The following RPGR variants were observed in gnomAD, a reference collection of about 807,000 sequenced individuals.
RPGR encodes the protein X-linked retinitis pigmentosa GTPase regulator.
RPGR carries 10 observed loss-of-function variants against 56.3 expected under a neutral mutation model. That is an observed-to-expected ratio of 0.18 (90% CI 0.11 to 0.30). The LOEUF (loss-of-function observed/expected upper bound fraction) is 0.30, where lower values mean the gene tolerates loss of function less well. Ranked by LOEUF, RPGR falls within the 10% of genes least tolerant of loss-of-function variation. RPGR has a pLI of 1.00. For synonymous variants in RPGR, 197 were observed against 212.9 expected, an observed-to-expected ratio of 0.93 and a Z score of 0.65; for missense variants, 538 against 590.9, an observed-to-expected ratio of 0.91 and a Z score of 0.93.
rs1305812896 is a variant in RPGR, at chrX:38,315,834, T to TAGAGAG, written c.619+1481_619+1482insCTCTCT. On this transcript the variant is annotated intron_variant, in intron 6 of 18. Transcript: ENST00000642395. The stretch of plus-strand genomic sequence containing the variant: ...CCATATATATACATATATATATATA[T>TAGAGAG]ATATAGAGAGAGAGAGAGAGAGAGA... 5.6e-3 allele frequency among the ~76,000 whole-genome samples: 493 copies of TAGAGAG among 88,355 alleles called. 3 individuals are homozygous for TAGAGAG. The highest frequency in any genetic ancestry group is 0.022 in the African/African-American group (441 of 19,800). 76.7% of individuals were successfully genotyped at this position (88,355 alleles called of 115,157 possible).
chrX:38,291,285 G>C, intron 12 of RPGR, 108 bp downstream of exon 12: 1 of 495,570 alleles, frequency 2.0e-6, no homozygotes, highest in Non-Finnish European at 3.4e-6. Flanking sequence ...TAAGAAACGA[G>C]AAAGACGCTT....
At chrX:38,310,582 C>G (rs189973690) in intron 7 of RPGR, 33 bp downstream of exon 7, 4 of 1,204,574 alleles carry the variant, frequency 3.3e-6, no homozygotes, top group East Asian at 5.9e-5. Flanking sequence ...CACCACAGAA[C>G]GCAGGGAACA....
At chrX:38,298,861 A>G in intron 10 of RPGR, 95 bp downstream of exon 10, 1 of 933,333 alleles carries the variant, frequency 1.1e-6, no homozygotes, top group Non-Finnish European at 1.5e-6. Context: ...TTATCTGAGA[A>G]GACCCTTTGA....
At chrX:38,325,678 C>A (rs115615359) in intron 1 of RPGR, 3,614 of 111,762 alleles carry the variant, frequency 0.032, 96 homozygotes, top group African/African-American at 0.091. Context: ...ATCTTTCCCC[C>A]CAAAACATCA....
In RPGR at chrX:38,298,823, T is replaced by C. The variant is rs1481907483; in HGVS notation, c.1245+133A>G. 8.9e-6 allele frequency: 6 copies of C among 674,233 alleles called. No homozygotes were observed. In the East Asian group the frequency reaches 1.8e-4, roughly 20 times the overall value. 55.6% of individuals were successfully genotyped at this position (674,233 alleles called of 1,213,427 possible). A position where few individuals can be genotyped will look rare whatever the true frequency, so the allele number is the denominator to read the frequency against. ...ATTAACTCTAAAAGTTTGTTAGCACTCAACTCTAATAATTTTATGTAGCAA... is the reference window on the plus strand; with the variant it reads ...ATTAACTCTAAAAGTTTGTTAGCACCCAACTCTAATAATTTTATGTAGCAA... On this transcript the variant is annotated intron_variant, in intron 10 of 18. Transcript: ENST00000642395.
chrX:38,303,206 G>A (rs2067535862), intron 8 of RPGR, among the ~76,000 whole-genome samples: 1 of 110,630 alleles, frequency 9.0e-6, no homozygotes, highest in Non-Finnish European at 1.9e-5. Context: ...CAAGCTGCCT[G>A]ATGGCACTTT....
intron 15 of RPGR, chrX:38,285,323 G>T: frequency 9.4e-7 from 1 of 1,062,280 alleles, no homozygotes; most frequent in Non-Finnish European, 1.2e-6. Context: ...TAATTTGGGG[G>T]GGAAATACAC....
intron 9 of RPGR, among the ~76,000 whole-genome samples, chrX:38,299,437 C>A (rs979644444): frequency 3.6e-5 from 4 of 112,029 alleles, no homozygotes; most frequent in African/African-American, 1.3e-4. Context: ...AAATACTTGG[C>A]AAATTACATT....
intron 8 of RPGR, among the ~76,000 whole-genome samples, 182 bp downstream of exon 8, chrX:38,304,453 A>T (rs1195421358): frequency 2.7e-5 from 3 of 112,077 alleles, no homozygotes; most frequent in African/African-American, 9.7e-5. Flanking sequence ...CATTTATTCT[A>T]AATTGAATTA....
chrX:38,317,272 C>T, intron 6 of RPGR, 44 bp downstream of exon 6: 2 of 1,124,066 alleles, frequency 1.8e-6, no homozygotes, highest in East Asian at 3.0e-5. Context: ...TTAATAACAA[C>T]ATAGAAGTGG....
intron 15 of RPGR, chrX:38,285,070 T>G (rs5963392): frequency 2.8e-6 from 2 of 722,853 alleles, no homozygotes; most frequent in Admixed American, 8.4e-5. Context: ...CATCCATTAT[T>G]AGAAAATTAT....
chrX:38,317,606 C>T (rs949124053), intron 5 of RPGR, 141 bp from the exon 6 acceptor site: 3 of 503,971 alleles, frequency 6.0e-6, no homozygotes, highest in South Asian at 3.4e-5. Flanking sequence ...AAGACATTTA[C>T]ACCAGCTAGC....
intron 15 of RPGR, among the ~76,000 whole-genome samples, chrX:38,282,816 G>A (rs1484474704): frequency 9.0e-6 from 1 of 110,987 alleles, no homozygotes; most frequent in Non-Finnish European, 1.9e-5. Flanking sequence ...AGTTTCTGTG[G>A]TAGGTAATCC....
chrX:38,288,925 G>A lies in RPGR; in HGVS notation c.1573-884C>T, dbSNP rs773401626. 1.7e-4 allele frequency among the ~76,000 whole-genome samples: 19 copies of A among 109,660 alleles called. 1 individual carries two copies. The South Asian group carries it at 7.7e-3, about 44-fold the overall frequency. ...GCTTCCTGAGTAGCTGGGACTATGG[G>A]TGCATGCCACCACATCCAGCTAACT... On this transcript the variant is annotated intron_variant, in intron 13 of 18. Transcript: ENST00000642395.
intron 7 of RPGR, among the ~76,000 whole-genome samples, chrX:38,309,043 G>T (rs73192559): frequency 0.023 from 2,572 of 111,502 alleles, 50 homozygotes; most frequent in Middle Eastern, 0.038. Context: ...ATTTTTTTGT[G>T]CAAAAAATAT....
chrX:38,302,615 T>G lies in RPGR; in HGVS notation c.935-1244A>C, dbSNP rs1177072139. 3.6e-5 allele frequency: 4 copies of G among 110,588 alleles called. No homozygotes were observed. In the South Asian group the frequency reaches 1.6e-3, roughly 43 times the overall value. The allele number at this position is 110,588 out of a possible 1,213,427, so 9.1% of individuals were successfully genotyped here. On this transcript the variant is annotated intron_variant, in intron 8 of 18. Coordinates refer to ENST00000642395, the MANE Select transcript of RPGR (RefSeq NM_000328.3). The stretch of plus-strand genomic sequence containing the variant: ...AAGCTGGGAAACAACTGGGTCACCT[T>G]TGGGGACTTCTGGTTTAAGACGGCA...
rs1380365858 is a variant in RPGR at position 38,288,007 on chromosome X, G to A, written c.1607C>T (p.Thr536Ile). The A allele has an allele frequency of 8.3e-7, 1 of 1,210,028 alleles. No individual in the cohort carries two copies. The highest frequency in any genetic ancestry group is 2.3e-4 in the Middle Eastern group (1 of 4,340). The change falls in exon 14 of 19, where the codon ACA (threonine) becomes ATA (isoleucine). Residue 536 changes from threonine to isoleucine, a missense_variant. By Grantham distance (89) the Thr-to-Ile change is moderately conservative (BLOSUM62 -1). Coordinates refer to ENST00000642395, the MANE Select transcript of RPGR (RefSeq NM_000328.3). Reference sequence around the variant, plus strand: ...ACTATCATCGTTTTCAGTAAGAGCTGTATCCTGCGTCAGTTCCCCAATTGT... The same window carrying A: ...ACTATCATCGTTTTCAGTAAGAGCTATATCCTGCGTCAGTTCCCCAATTGT...
At position 38,304,818 on chromosome X, in the gene RPGR, A is replaced by G. The variant is rs1225116312; in HGVS notation, c.779-28T>C. ...GAAAGGAAAGGGGCAAATACAAGAC[A>G]AGGATTATGGAAGCAGACACTGTTA... is the stretch of plus-strand genomic sequence containing the variant. On this transcript the variant is annotated intron_variant, in intron 7 of 18. Transcript: ENST00000642395. The G allele has an allele frequency of 5.0e-6, 6 of 1,188,361 alleles. No individual in the cohort carries two copies. The African/African-American group carries it at 8.8e-5, about 18-fold the overall frequency.
chrX:38,307,175 C>T (rs1358353615), intron 7 of RPGR, among the ~76,000 whole-genome samples: 2 of 111,825 alleles, frequency 1.8e-5, no homozygotes, highest in African/African-American at 3.2e-5. Context: ...CCCCATCTCA[C>T]AACTGGCCTT....
Sources: allele counts gnomAD v4.1 joint callset (sites outside exome capture counted in the v4.1 genomes callset), GRCh38; gene constraint gnomAD v4.1.1; transcripts MANE v1.5; gene names NCBI Gene and HGNC (gene_info 2026-07-23, HGNC 2026-07-21).